The following FAM171B variants were observed in gnomAD, a reference collection of about 807,000 sequenced individuals.
FAM171B encodes the protein family with sequence similarity 171 member B, also known as protein FAM171B.
Under a neutral mutation model 75.6 loss-of-function variants are expected in FAM171B, and 19 were observed. The ratio of observed to expected loss-of-function variants is 0.25; its 90% confidence interval spans 0.18 to 0.37. FAM171B has a LOEUF of 0.37. FAM171B is among the 10% of genes least tolerant of loss of function. The probability of loss-of-function intolerance (pLI) is 1.00; values close to 1 mark genes in which losing one functional copy is unlikely to be tolerated. For synonymous variants in FAM171B, 367 were observed against 361.7 expected (o/e 1.01, Z -0.17); for missense variants, 848 against 982.4 (o/e 0.86, Z 1.83).
Position 186,694,189 on chromosome 2 carries a change from C to T in FAM171B, c.16C>T (p.Arg6Trp). The T allele has an allele frequency of 1.2e-6, 2 of 1,600,964 alleles. No individual in the cohort carries two copies. Among genetic ancestry groups the T allele is most frequent in the East Asian group, 2.2e-5 (1 of 44,692 alleles). The part of the protein sequence containing the change: MARLC[R>W]RVPCTLLLGL... ...GCTCTAGGCCATGGCGAGGCTCTGC[C>T]GGCGTGTCCCCTGCACCCTGCTTCT... The change falls in exon 1 of 8, where the codon CGG becomes TGG. Residue 6 changes from arginine to tryptophan, a missense_variant. Arg to Trp is a moderately radical substitution (Grantham distance 101). This residue lies in a region of FAM171B where 665 missense variants were observed against 729.0 expected (regional missense o/e 0.91). Coordinates refer to ENST00000304698, the MANE Select transcript of FAM171B (RefSeq NM_177454.4).
At chr2:186,754,419 T>C (rs1340997168) in intron 6 of FAM171B, among the ~76,000 whole-genome samples, 5 of 152,194 alleles carry the variant, frequency 3.3e-5, no homozygotes, top group Admixed American at 2.0e-4. Context: ...AGGGAGTTCA[T>C]AGGATCCTAG....
At chr2:186,702,967 G>GTAAATATT (rs1244135390) in intron 1 of FAM171B, among the ~76,000 whole-genome samples, 6 of 151,776 alleles carry the variant, frequency 4.0e-5, no homozygotes, top group African/African-American at 1.5e-4. Context: ...TAAAATTTAA[G>GTAAATATT]TAAATATTTC....
chr2:186,712,406 GTTC>G (rs1282212208), intron 1 of FAM171B, among the ~76,000 whole-genome samples: 1 of 152,090 alleles, frequency 6.6e-6, no homozygotes, highest in Non-Finnish European at 1.5e-5. Flanking sequence ...GTATCTCTTT[GTTC>G]TTCTGCTGTG....
intron 1 of FAM171B, among the ~76,000 whole-genome samples, chr2:186,735,437 T>C (rs1690185976): frequency 6.6e-6 from 1 of 152,046 alleles, no homozygotes; most frequent in South Asian, 2.1e-4. Context: ...TTTGCAGGAG[T>C]AATTGGGGAA....
At chr2:186,752,444 T>A (rs76473428) in intron 5 of FAM171B, among the ~76,000 whole-genome samples, 4 of 152,302 alleles carry the variant, frequency 2.6e-5, no homozygotes, top group African/African-American at 9.6e-5. Flanking sequence ...CACGGTAGTA[T>A]GCTACTGAAA....
chr2:186,735,044 A>G (rs564248131), intron 1 of FAM171B, among the ~76,000 whole-genome samples: 17 of 152,292 alleles, frequency 1.1e-4, no homozygotes, highest in African/African-American at 4.1e-4. Flanking sequence ...GCTGCAGCTG[A>G]CAGGCTGCAG....
intron 1 of FAM171B, among the ~76,000 whole-genome samples, chr2:186,703,188 T>G (rs2105771394): frequency 6.6e-6 from 1 of 152,180 alleles, no homozygotes; most frequent in South Asian, 2.1e-4. Context: ...CAAGCGATTC[T>G]CATGCCTCAG....
In FAM171B at chr2:186,761,706, A is replaced by G; in HGVS notation, c.1364A>G (p.Lys455Arg). Residue 455 changes from lysine to arginine, a missense_variant, in exon 8 of 8, where the codon AAA becomes AGA. This residue lies in a region of FAM171B where 665 missense variants were observed against 729.0 expected (regional missense o/e 0.91). Transcript: ENST00000304698. ...ACAGAAGAAAGAGTTTCCATGGTAAAAACTCGGGACGATTTTAAAATCTAC... is the reference window on the plus strand; with the variant it reads ...ACAGAAGAAAGAGTTTCCATGGTAAGAACTCGGGACGATTTTAAAATCTAC... ...AETEERVSMVKTRDDFKIYNE... is the reference protein window; with the variant it reads ...AETEERVSMVRTRDDFKIYNE... 1 of 1,612,912 alleles carries G rather than the reference A, an allele frequency of 6.2e-7. No individual in the cohort carries two copies. Among genetic ancestry groups the G allele is most frequent in the Non-Finnish European group, 8.5e-7 (1 of 1,179,574 alleles).
intron 3 of FAM171B, among the ~76,000 whole-genome samples, chr2:186,746,706 T>C (rs1158146344): frequency 6.6e-6 from 1 of 152,214 alleles, no homozygotes; most frequent in Non-Finnish European, 1.5e-5. Context: ...GGGCCCATCA[T>C]TGAACAAATC....
intron 1 of FAM171B, among the ~76,000 whole-genome samples, chr2:186,698,993 T>A (rs1689618563): frequency 6.6e-6 from 1 of 152,204 alleles, no homozygotes; most frequent in Non-Finnish European, 1.5e-5. Context: ...TACTCCATTG[T>A]GTATATGTAT....
At chr2:186,754,820 A>G (rs1690508118) in intron 6 of FAM171B, among the ~76,000 whole-genome samples, 1 of 152,136 alleles carries the variant, frequency 6.6e-6, no homozygotes, top group African/African-American at 2.4e-5. Flanking sequence ...TCCTAAAAAC[A>G]TTGAGTTTTT....
intron 1 of FAM171B, among the ~76,000 whole-genome samples, chr2:186,737,729 T>G (rs907756582): frequency 2.0e-5 from 3 of 152,344 alleles, no homozygotes; most frequent in Middle Eastern, 3.4e-3. Flanking sequence ...CTGAAAAACA[T>G]CTTCTGCTTT....
intron 1 of FAM171B, among the ~76,000 whole-genome samples, chr2:186,706,061 A>G (rs1689729646): frequency 6.6e-6 from 1 of 152,166 alleles, no homozygotes; most frequent in Non-Finnish European, 1.5e-5. Flanking sequence ...AGATTGAGTT[A>G]ATCTTAATAT....
At chr2:186,759,244 G>T (rs761134306) in intron 6 of FAM171B, among the ~76,000 whole-genome samples, 1 of 152,082 alleles carries the variant, frequency 6.6e-6, no homozygotes, top group Non-Finnish European at 1.5e-5. Flanking sequence ...ATTGTGAACC[G>T]TGCTGCAATG....
intron 6 of FAM171B, among the ~76,000 whole-genome samples, chr2:186,754,448 A>C (rs1690499919): frequency 6.6e-6 from 1 of 152,202 alleles, no homozygotes. Context: ...GAAGAACCAG[A>C]TGCTGAAAGG....
chr2:186,694,742 G>T (rs2105767543), intron 1 of FAM171B, among the ~76,000 whole-genome samples: 1 of 120,608 alleles, frequency 8.3e-6, no homozygotes, highest in Non-Finnish European at 1.7e-5. Context: ...CCCTGGGAAT[G>T]ACTGTAACAC....
At chr2:186,752,355 A>G (rs563127174) in intron 5 of FAM171B, among the ~76,000 whole-genome samples, 72 of 152,324 alleles carry the variant, frequency 4.7e-4, no homozygotes, top group African/African-American at 1.7e-3. Flanking sequence ...TAAGGCCCCC[A>G]AAACACATAC....
chr2:186,751,411 C>A, intron 5 of FAM171B, 107 bp downstream of exon 5: 2 of 1,048,094 alleles, frequency 1.9e-6, no homozygotes, highest in Non-Finnish European at 2.6e-6. Context: ...TTAGTAACAT[C>A]ACAAATGTAT....
chr2:186,755,083 AC>A (rs1690514629), intron 6 of FAM171B, among the ~76,000 whole-genome samples: 1 of 152,124 alleles, frequency 6.6e-6, no homozygotes, highest in African/African-American at 2.4e-5. Context: ...ACCTCAGGAA[AC>A]CCTACATTGA....
Sources: allele counts gnomAD v4.1 joint callset (sites outside exome capture counted in the v4.1 genomes callset), GRCh38; gene constraint gnomAD v4.1.1; regional missense constraint gnomAD v4.1.1; transcripts MANE v1.5; gene names NCBI Gene and HGNC (gene_info 2026-07-23, HGNC 2026-07-21).